The following MYO9B variants were observed in gnomAD, a reference collection of about 807,000 sequenced individuals.
MYO9B encodes the protein unconventional myosin-IXb.
A neutral mutation model predicts 229.5 loss-of-function variants in MYO9B; 71 were observed. The observed-to-expected ratio is 0.31, with a 90% CI of 0.26 to 0.38. MYO9B has a LOEUF of 0.38. Ranked by LOEUF, MYO9B falls within the 10% of genes least tolerant of loss-of-function variation. MYO9B has a pLI of 1.00. For synonymous variants in MYO9B, 1,185 were observed against 1,235.8 expected (o/e 0.96, Z 0.86); for missense variants, 2,255 against 2,920.5 (o/e 0.77, Z 5.25).
chr19:17,125,668 G>A (rs2058009759), intron 2 of MYO9B, among the ~76,000 whole-genome samples: 1 of 152,142 alleles, frequency 6.6e-6, no homozygotes, highest in South Asian at 2.1e-4. Context: ...CTGCGTCTGT[G>A]GCTGACAGTT....
At chr19:17,126,656 C>CTTTTTT (rs70950305) in intron 2 of MYO9B, among the ~76,000 whole-genome samples, 1 of 146,624 alleles carries the variant, frequency 6.8e-6, no homozygotes. Flanking sequence ...GATCTTTTGA[C>CTTTTTT]TTTTTTTTTT....
At chr19:17,203,674 G>A (rs921939) in intron 30 of MYO9B, among the ~76,000 whole-genome samples, 73,031 of 150,136 alleles carry the variant, frequency 0.49, 18,532 homozygotes, top group East Asian at 0.76. Flanking sequence ...TTTCTGGACC[G>A]TTGTCCCAGC....
rs77261226 is a variant in MYO9B at position 17,162,497 on chromosome 19, G to T, written c.1536+31G>T. 17 of 1,514,572 alleles carry T rather than the reference G, an allele frequency of 1.1e-5. No homozygotes were observed. In the South Asian group the frequency reaches 2.0e-4, roughly 18 times the overall value. 93.8% of individuals were successfully genotyped at this position (1,514,572 alleles called of 1,614,324 possible). A position where few individuals can be genotyped will look rare whatever the true frequency, so the allele number is the denominator to read the frequency against. On this transcript the variant is annotated intron_variant, in intron 9 of 39. Coordinates refer to ENST00000682292, the MANE Select transcript of MYO9B (RefSeq NM_004145.4). ...TGCCCCCATTTGCTTCCTCAAGCCC[G>T]GCCAGGGGAGGCCACATCCTCACTA... is the stretch of plus-strand genomic sequence containing the variant.
intron 1 of MYO9B, among the ~76,000 whole-genome samples, chr19:17,084,975 G>A (rs2057568925): frequency 6.6e-6 from 1 of 152,132 alleles, no homozygotes; most frequent in Non-Finnish European, 1.5e-5. Context: ...CTCCAGGGGA[G>A]AAACAATGAT....
chr19:17,115,586 A>G (rs1432496250), intron 2 of MYO9B, among the ~76,000 whole-genome samples: 1 of 150,008 alleles, frequency 6.7e-6, no homozygotes, highest in Non-Finnish European at 1.5e-5. Flanking sequence ...CTCCTGCTTC[A>G]GCCTCCCGAG....
rs543241822 is a variant in MYO9B, at chr19:17,197,988, G to A, written c.4113+130G>A. The A allele has an allele frequency of 4.2e-5, 57 of 1,358,582 alleles. No homozygotes were observed. The East Asian group carries it at 1.0e-3, about 24-fold the overall frequency. 84.2% of individuals were successfully genotyped at this position (1,358,582 alleles called of 1,614,324 possible). On this transcript the variant is annotated intron_variant, in intron 23 of 39. Transcript: ENST00000682292. ...AGAATCGCTTGAACGCAGTGGCAGGGTAGAGGTTGTAGTGAGCCTCGCGAG... is the reference window on the plus strand; with the variant it reads ...AGAATCGCTTGAACGCAGTGGCAGGATAGAGGTTGTAGTGAGCCTCGCGAG...
chr19:17,202,083 T>C (rs1385818673), intron 27 of MYO9B, 47 bp from the exon 28 acceptor site: 1 of 1,611,978 alleles, frequency 6.2e-7, no homozygotes, highest in Non-Finnish European at 8.5e-7. Flanking sequence ...GTCATTCCCA[T>C]CCGCCCCTTG....
At chr19:17,141,400 G>A (rs1393911225) in intron 2 of MYO9B, among the ~76,000 whole-genome samples, 1 of 152,102 alleles carries the variant, frequency 6.6e-6, no homozygotes, top group African/African-American at 2.4e-5. Flanking sequence ...GTGACTGCAG[G>A]GCGTGCCCCC....
chr19:17,101,148 G>A lies in MYO9B; in HGVS notation c.-58-512G>A, dbSNP rs534797142. 1.3e-5 allele frequency among the ~76,000 whole-genome samples: 2 copies of A among 151,434 alleles called. No homozygotes were observed. The highest frequency in any genetic ancestry group is 1.3e-4 in the Admixed American group (2 of 15,128). ...ACTCAGGGGAAGGGTCAGGTCTTGG[G>A]GTTGTCTGATGATGTCACTTGTAAA... On this transcript the variant is annotated intron_variant, in intron 1 of 39. Coordinates refer to ENST00000682292, the MANE Select transcript of MYO9B (RefSeq NM_004145.4). The surrounding 1 kb of genome is among the most constrained non-coding windows in gnomAD (Gnocchi z 4.7).
At chr19:17,152,162 G>A (rs950648321) in intron 3 of MYO9B, among the ~76,000 whole-genome samples, 15 of 149,848 alleles carry the variant, frequency 1.0e-4, no homozygotes, top group African/African-American at 3.7e-4. Flanking sequence ...ACTCCAGCCT[G>A]GGCAACAGAG....
rs766069314 is a variant in MYO9B at position 17,202,793 on chromosome 19, G to A, written c.4837-49G>A. ...TATGGGGTGCCAGGGGTGGGTTGGGGCTCTTCCCAGGGGGGCCCCCGCCAA... is the reference window on the plus strand; with the variant it reads ...TATGGGGTGCCAGGGGTGGGTTGGGACTCTTCCCAGGGGGGCCCCCGCCAA... On this transcript the variant is annotated intron_variant, in intron 28 of 39. Transcript: ENST00000682292. The A allele has an allele frequency of 6.5e-6, 10 of 1,545,774 alleles. No individual in the cohort carries two copies. The South Asian group carries it at 1.2e-4, about 18-fold the overall frequency.
chr19:17,142,704 A>T (rs1464737099), intron 2 of MYO9B, among the ~76,000 whole-genome samples: 1 of 152,146 alleles, frequency 6.6e-6, no homozygotes, highest in Non-Finnish European at 1.5e-5. Flanking sequence ...AACTTCATTG[A>T]TGGACGCTGA....
intron 26 of MYO9B, among the ~76,000 whole-genome samples, chr19:17,201,187 C>T (rs1331488514): frequency 1.3e-5 from 2 of 152,186 alleles, no homozygotes; most frequent in Admixed American, 6.5e-5. Flanking sequence ...AAGCCACGAT[C>T]GCAGCACTGC....
chr19:17,199,479 CT>C (rs758542875), intron 24 of MYO9B, among the ~76,000 whole-genome samples: 1 of 151,868 alleles, frequency 6.6e-6, no homozygotes, highest in Non-Finnish European at 1.5e-5. Context: ...GGCTATTGCT[CT>C]TTATAAGATA....
At chr19:17,207,765 C>T (rs1283797346) in intron 35 of MYO9B, 1 of 152,180 alleles carries the variant, frequency 6.6e-6, no homozygotes, top group African/African-American at 2.4e-5. Context: ...TAATCCAGCA[C>T]TTTGGGAGAC....
At chr19:17,202,786 G>A in intron 28 of MYO9B, 56 bp from the exon 29 acceptor site, 2 of 1,533,366 alleles carry the variant, frequency 1.3e-6, no homozygotes, top group Admixed American at 3.9e-5. Flanking sequence ...GCCAGGGGTG[G>A]GTTGGGGCTC....
In MYO9B at chr19:17,176,091, G is replaced by A. The variant is rs548260371; in HGVS notation, c.2219+350G>A. Among the ~76,000 whole-genome samples the A allele has an allele frequency of 1.4e-4, 22 of 152,234 alleles. No homozygotes were observed. In the South Asian group the frequency reaches 2.3e-3, roughly 16 times the overall value. On this transcript the variant is annotated intron_variant, in intron 14 of 39. Transcript: ENST00000682292. ...GTTGCCCAGGCTGGAGTGCAGTGGCGTGATCTCGGCTCACTGCAGGCTCCG... is the reference window on the plus strand; with the variant it reads ...GTTGCCCAGGCTGGAGTGCAGTGGCATGATCTCGGCTCACTGCAGGCTCCG...
chr19:17,144,969 CAAAAAAAA>C (rs58527501), intron 2 of MYO9B, among the ~76,000 whole-genome samples: 10 of 83,554 alleles, frequency 1.2e-4, no homozygotes, highest in Non-Finnish European at 1.7e-4. Context: ...GACTTCATCT[CAAAAAAAA>C]AAAAAAAAAA....
chr19:17,159,511 G>T (rs1469760976), intron 8 of MYO9B, 27 bp downstream of exon 8: 3 of 1,587,032 alleles, frequency 1.9e-6, no homozygotes, highest in South Asian at 1.1e-5. Context: ...CACTCACAGG[G>T]TGCCAGATCC....
Sources: allele counts gnomAD v4.1 joint callset (sites outside exome capture counted in the v4.1 genomes callset), GRCh38; gene constraint gnomAD v4.1.1; non-coding constraint Gnocchi (gnomAD v3.1); transcripts MANE v1.5; gene names NCBI Gene and HGNC (gene_info 2026-07-23, HGNC 2026-07-21).